Variants in C1QTNF5 observed in about 807,000 individuals in gnomAD.
C1QTNF5 encodes C1q and TNF related 5.
In C1QTNF5, 5 loss-of-function variants were observed where a neutral mutation model predicts 10.9. That is an observed-to-expected ratio of 0.46 (90% CI 0.24 to 0.97). The LOEUF is 0.97. Ranked by LOEUF, C1QTNF5 falls within the 50% of genes least tolerant of loss-of-function variation. The pLI, the probability that C1QTNF5 is intolerant of heterozygous loss-of-function variation, is 0.19. For missense variants in C1QTNF5, 281 were observed against 339.4 expected (o/e 0.83, Z 1.35); for synonymous variants, 161 against 156.5 (o/e 1.03, Z -0.22).
upstream of C1QTNF5, chr11:119,343,079 G>A (rs1313653343): frequency 5.2e-6 from 8 of 1,532,124 alleles, no homozygotes; most frequent in Admixed American, 3.9e-5. Context: ...CACAGGCCTG[G>A]CTCTGAGCTG....
At chr11:119,341,375 GAGGGTGGT>G, upstream of C1QTNF5, 1 of 615,986 alleles carries the variant, frequency 1.6e-6, no homozygotes. Context: ...AAGGAGCAGG[GAGGGTGGT>G]AGGGTCCCAT....
chr11:119,343,122 A>T, upstream of C1QTNF5: 2 of 1,280,748 alleles, frequency 1.6e-6, no homozygotes, highest in Non-Finnish European at 2.2e-6. Context: ...GTGATGGAAG[A>T]CACAGGGTTA....
chr11:119,345,250 G>A (rs1220262275), upstream of C1QTNF5, among the ~76,000 whole-genome samples: 1 of 152,206 alleles, frequency 6.6e-6, no homozygotes, highest in East Asian at 1.9e-4. Context: ...GGTGAGAGAG[G>A]GGAAGTGATC....
chr11:119,345,384 G>A (rs555397482), upstream of C1QTNF5: 16 of 1,599,694 alleles, frequency 1.0e-5, no homozygotes, highest in Admixed American at 2.2e-4. Flanking sequence ...AGTGGTTCAG[G>A]ACACGGTGGG....
In C1QTNF5 at chr11:119,340,054, C is replaced by A. The variant is rs1031026887; in HGVS notation, c.214+130G>T. The stretch of plus-strand genomic sequence containing the variant: ...GCTCCCGCCGCCTGGGCCCCTCCCC[C>A]GCTCAGGGCTGCAAAGCGCGGGGAG... On this transcript the variant is annotated intron_variant, in intron 2 of 2. Transcript: ENST00000528368. The A allele has an allele frequency of 3.9e-5, 50 of 1,288,588 alleles. 1 individual carries two copies. The South Asian group carries it at 7.3e-4, about 19-fold the overall frequency. The allele number at this position is 1,288,588 out of a possible 1,614,324, so 79.8% of individuals were successfully genotyped here. A position where few individuals can be genotyped will look rare whatever the true frequency, so the allele number is the denominator to read the frequency against.
upstream of C1QTNF5, chr11:119,342,631 T>A (rs774312463): frequency 2.7e-5 from 43 of 1,613,474 alleles, no homozygotes; most frequent in Non-Finnish European, 3.5e-5. Context: ...GCAGTTGTCA[T>A]CGCTGCCATC....
the C1QTNF5 span, chr11:119,346,266 GGT>G: frequency 1.2e-6 from 2 of 1,610,280 alleles, no homozygotes; most frequent in Non-Finnish European, 1.7e-6. Flanking sequence ...CCCCTGGGAT[GGT>G]TACCATGCCA....
the C1QTNF5 span, chr11:119,346,017 C>T: frequency 3.1e-6 from 5 of 1,612,694 alleles, no homozygotes; most frequent in Non-Finnish European, 4.2e-6. Context: ...TTCCAAAGCC[C>T]TCGTTTCAAG....
chr11:119,343,879 C>T (rs999112328), upstream of C1QTNF5: 3 of 1,613,980 alleles, frequency 1.9e-6, no homozygotes, highest in African/African-American at 2.7e-5. Flanking sequence ...GTCAAACTTG[C>T]ACTCGTCCTG....
At chr11:119,346,500 G>A in the C1QTNF5 span, 1 of 1,614,094 alleles carries the variant, frequency 6.2e-7, no homozygotes, top group East Asian at 2.2e-5. Flanking sequence ...GATGACATCT[G>A]AGAAGTCCTT....
chr11:119,339,415 G>A lies in C1QTNF5; in HGVS notation c.648C>T (p.Gly216=). 1 of 1,613,582 alleles carries A rather than the reference G, an allele frequency of 6.2e-7. No homozygotes were observed. Among genetic ancestry groups the A allele is most frequent in the Non-Finnish European group, 8.5e-7 (1 of 1,179,616 alleles). The change falls in exon 3 of 3, where the codon GGC becomes GGT. Residue 216 remains glycine (G), a synonymous_variant. Coordinates refer to ENST00000528368, the MANE Select transcript of C1QTNF5 (RefSeq NM_001278431.2). This position sits in a 1 kb window ranked among gnomAD's most constrained non-coding sequence, Gnocchi z 5.4. ...WVQVGVGDYI[G]IYASIKTDST... is the part of the protein sequence containing the mutation. ...TGTCTGTCTTGATGCTGGCATAGATGCCAATGTAGTCACCCACACCCACCT... is the reference window on the plus strand; with the variant it reads ...TGTCTGTCTTGATGCTGGCATAGATACCAATGTAGTCACCCACACCCACCT...
upstream of C1QTNF5, chr11:119,343,818 G>C (rs748973851): frequency 2.5e-6 from 4 of 1,613,748 alleles, no homozygotes; most frequent in Non-Finnish European, 3.4e-6. Flanking sequence ...TCCTGTACCT[G>C]CCCAGGAGGC....
chr11:119,344,950 C>T (rs1049764064), upstream of C1QTNF5: 2 of 1,610,136 alleles, frequency 1.2e-6, no homozygotes, highest in Non-Finnish European at 1.7e-6. Flanking sequence ...CGAAGACCAC[C>T]AGGAGGTGGC....
upstream of C1QTNF5, chr11:119,344,234 A>G: frequency 7.6e-7 from 1 of 1,323,504 alleles, no homozygotes; most frequent in South Asian, 1.2e-5. Flanking sequence ...AGTGTCTACC[A>G]TGCCATTCCC....
upstream of C1QTNF5, among the ~76,000 whole-genome samples, chr11:119,343,488 G>A (rs938502757): frequency 5.9e-5 from 9 of 152,160 alleles, no homozygotes; most frequent in Non-Finnish European, 7.3e-5. Flanking sequence ...CTGCACTCCC[G>A]CCTGGGCAAC....
chr11:119,344,984 G>A (rs752553909), upstream of C1QTNF5: 2 of 1,606,952 alleles, frequency 1.2e-6, no homozygotes, highest in South Asian at 1.1e-5. Flanking sequence ...GAGCGTGGGG[G>A]GAGGCACCCT....
upstream of C1QTNF5, chr11:119,341,022 G>A (rs900864643): frequency 1.3e-4 from 23 of 175,976 alleles, no homozygotes; most frequent in Non-Finnish European, 1.1e-4. Flanking sequence ...TTCGAGAGAC[G>A]GACACACAGG....
upstream of C1QTNF5, chr11:119,341,615 G>T (rs1372508025): frequency 1.1e-5 from 17 of 1,612,848 alleles, no homozygotes; most frequent in Admixed American, 1.7e-5. Context: ...GGGCCAGGGG[G>T]TGCCCAGTAG....
upstream of C1QTNF5, chr11:119,344,759 T>G (rs1950542353): frequency 1.2e-6 from 2 of 1,613,820 alleles, no homozygotes; most frequent in East Asian, 2.2e-5. Flanking sequence ...CACAGCTCCC[T>G]GGATGTGGGC....
Sources: gnomAD v4.1 joint callset for allele counts (sites outside exome capture counted in the v4.1 genomes callset) on GRCh38, gnomAD v4.1.1 for gene constraint, Gnocchi (gnomAD v3.1) non-coding constraint, MANE v1.5 for transcripts, NCBI Gene and HGNC (gene_info 2026-07-23, HGNC 2026-07-21) for gene names.